The following FER1L5 variants were observed in gnomAD, a reference collection of about 807,000 sequenced individuals.
FER1L5 encodes the protein fer-1 like family member 5, also known as fer-1-like protein 5.
FER1L5 carries 187 observed loss-of-function variants against 279.9 expected under a neutral mutation model. The observed-to-expected ratio is 0.67, with a 90% CI of 0.59 to 0.75. FER1L5 has a LOEUF of 0.75. Ranked by LOEUF, FER1L5 falls within the 30% of genes least tolerant of loss-of-function variation. The pLI is 0.00. For synonymous variants in FER1L5, 921 were observed against 989.7 expected (o/e 0.93, Z 1.30); for missense variants, 2,091 against 2,594.4 (o/e 0.81, Z 4.21).
intron 31 of FER1L5, among the ~76,000 whole-genome samples, chr2:96,693,187 GA>G (rs764665784): frequency 4.5e-4 from 61 of 137,046 alleles, no homozygotes; most frequent in East Asian, 8.3e-4. Context: ...AAAAAAAAGA[GA>G]AAAAAAAAAA....
intron 37 of FER1L5, among the ~76,000 whole-genome samples, chr2:96,696,798 T>C (rs915456399): frequency 5.3e-5 from 8 of 152,096 alleles, no homozygotes; most frequent in Non-Finnish European, 8.8e-5. Flanking sequence ...CTAGCTACTA[T>C]GGAGGCTGAG....
At chr2:96,663,365 G>C in intron 13 of FER1L5, 74 bp from the exon 14 acceptor site, 1 of 1,397,454 alleles carries the variant, frequency 7.2e-7, no homozygotes, top group Non-Finnish European at 9.9e-7. Context: ...GGCTGGACAG[G>C]AAGAGCTGGA....
rs2077483673 is a variant in FER1L5 at position 96,698,873 on chromosome 2, T to G, written c.4518+41T>G. ...TGCCCCACACAGGTGCCCCGCACGC[T>G]CCCCTCAACCCATCTCTGGGAGCCC... is the stretch of plus-strand genomic sequence containing the variant. On this transcript the variant is annotated intron_variant, in intron 41 of 52. Coordinates refer to ENST00000624922, the MANE Select transcript of FER1L5 (RefSeq NM_001293083.2). This position sits in a 1 kb window ranked among gnomAD's most constrained non-coding sequence, Gnocchi z 5.5. 1 of 1,548,760 alleles carries G rather than the reference T, an allele frequency of 6.5e-7. No individual in the cohort carries two copies. The highest frequency in any genetic ancestry group is 8.7e-7 in the Non-Finnish European group (1 of 1,144,706).
chr2:96,685,356 A>T lies in FER1L5; in HGVS notation c.1822A>T (p.Thr608Ser), dbSNP rs1305453822. ...LKANLDTLKS[T>S]RNPKDPALLY... ...AGCCAACCTGGACACCCTGAAATCC[A>T]CGCGGAATCCGAAGGATCCAGCTCT... Residue 608 changes from threonine to serine, a missense_variant, in exon 21 of 53, where the codon ACG becomes TCG. By Grantham distance (58) the Thr-to-Ser change is moderately conservative. Coordinates refer to ENST00000624922, the MANE Select transcript of FER1L5 (RefSeq NM_001293083.2). 6.4e-7 allele frequency: 1 copy of T among 1,551,270 alleles called. No homozygotes were observed. The highest frequency in any genetic ancestry group is 8.7e-7 in the Non-Finnish European group (1 of 1,146,836).
chr2:96,691,962 T>C lies in FER1L5; in HGVS notation c.3213T>C (p.Asn1071=), dbSNP rs1226446344. Reference sequence around the variant, plus strand: ...TGCCCTTCATCTACTGCACCTTCAATAGTAAGCACTGACTTGGGAGTCTAC... The same window carrying C: ...TGCCCTTCATCTACTGCACCTTCAACAGTAAGCACTGACTTGGGAGTCTAC... ...PNLPFIYCTF[N]KPHYYQLFCY... The change falls in exon 30 of 53, where the codon AAT becomes AAC. Residue 1071 remains asparagine (N), a splice_region_variant and synonymous_variant. Transcript: ENST00000624922. This position sits in a 1 kb window ranked among gnomAD's most constrained non-coding sequence, Gnocchi z 6.0. The C allele has an allele frequency of 2.0e-6, 3 of 1,463,926 alleles. No individual in the cohort carries two copies. Among genetic ancestry groups the C allele is most frequent in the African/African-American group, 1.6e-5 (1 of 63,354 alleles). The allele number at this position is 1,463,926 out of a possible 1,614,324, so 90.7% of individuals were successfully genotyped here. A position where few individuals can be genotyped will look rare whatever the true frequency, so the allele number is the denominator to read the frequency against.
intron 19 of FER1L5, among the ~76,000 whole-genome samples, chr2:96,674,133 C>T (rs779334730): frequency 1.3e-5 from 2 of 152,192 alleles, no homozygotes; most frequent in East Asian, 1.9e-4. Context: ...TTTCCTCATC[C>T]GGAAAAGGAA....
intron 19 of FER1L5, among the ~76,000 whole-genome samples, chr2:96,682,390 C>T (rs2076763516): frequency 6.6e-6 from 1 of 152,254 alleles, no homozygotes; most frequent in Non-Finnish European, 1.5e-5. Context: ...CCGCACCCGG[C>T]CAAGAGATTT....
chr2:96,686,485 C>T (rs778982247), intron 23 of FER1L5, 135 bp downstream of exon 23: 68 of 1,027,564 alleles, frequency 6.6e-5, no homozygotes, highest in African/African-American at 9.7e-5. Context: ...TTGAAACAGT[C>T]CCCAGAGGAA....
chr2:96,684,256 G>A (rs2076838596), intron 19 of FER1L5, 71 bp from the exon 20 acceptor site: 2 of 1,515,920 alleles, frequency 1.3e-6, no homozygotes, highest in Non-Finnish European at 1.8e-6. Flanking sequence ...GTCCTCGGAG[G>A]GAGCACAGTG....
rs777639564 is a variant in FER1L5, at chr2:96,692,146, G to A, written c.3257G>A (p.Arg1086Gln). The change falls in exon 31 of 53, where the codon CGG becomes CAG. Residue 1086 changes from arginine (R) to glutamine (Q), a missense_variant. Transcript: ENST00000624922. ...YQLFCYIYQA[R>Q]NLVSNQILTF... ...CTCTTCTGCTACATCTACCAGGCCCGGAACCTGGTGTCCAATCAGATCCTG... is the reference window on the plus strand; with the variant it reads ...CTCTTCTGCTACATCTACCAGGCCCAGAACCTGGTGTCCAATCAGATCCTG... 9.7e-6 allele frequency: 15 copies of A among 1,551,492 alleles called. No individual in the cohort carries two copies. The highest frequency in any genetic ancestry group is 4.8e-5 in the South Asian group (4 of 84,068).
At position 96,699,996 on chromosome 2, in the gene FER1L5, C is replaced by A. The variant is rs368260119; in HGVS notation, c.4846C>A (p.Arg1616=). Residue 1616 remains arginine, a synonymous_variant, in exon 44 of 53, where the codon CGG becomes AGG. Transcript: ENST00000624922. ...PSYLLERYAK[R]KGLPPPLFSP... is the part of the protein sequence containing the mutation. ...CTACCTCCTAGAACGCTATGCCAAG[C>A]GGAAAGGGCTACCTCCGCCTCTGTT... The A allele has an allele frequency of 5.0e-6, 8 of 1,613,956 alleles. No individual in the cohort carries two copies. The South Asian group carries it at 8.8e-5, about 18-fold the overall frequency.
At position 96,704,701 on chromosome 2, in the gene FER1L5, T is replaced by C; in HGVS notation, c.*9T>C. On this transcript the variant is annotated 3_prime_UTR_variant, in exon 53 of 53. Coordinates refer to ENST00000624922, the MANE Select transcript of FER1L5 (RefSeq NM_001293083.2). ...CAGCCCCAGGAGACTAATTAGTCCA[T>C]GCTGCCTGGCTTTCCTCCTGCTACC... is the stretch of plus-strand genomic sequence containing the variant. 1.9e-6 allele frequency: 3 copies of C among 1,611,592 alleles called. No homozygotes were observed. The highest frequency in any genetic ancestry group is 2.5e-6 in the Non-Finnish European group (3 of 1,177,822).
rs762863043 is a variant in FER1L5 at position 96,647,142 on chromosome 2, CAAAA to C, written c.218_221del (p.Gln73ArgfsTer17). The C allele has an allele frequency of 2.6e-6, 4 of 1,551,518 alleles. No individual in the cohort carries two copies. Among genetic ancestry groups the C allele is most frequent in the South Asian group, 2.4e-5 (2 of 84,056 alleles). On this transcript the variant is annotated frameshift_variant, in exon 3 of 53. Coordinates refer to ENST00000624922, the MANE Select transcript of FER1L5 (RefSeq NM_001293083.2). LOFTEE classifies it high-confidence loss of function. Reference sequence around the variant, plus strand: ...AGTCACCCTTCAGGACATGGGCTCACAAAAGAAAGAAAGGTGAGGCAGAGAGAGG... The same window carrying C: ...AGTCACCCTTCAGGACATGGGCTCACGAAAGAAAGGTGAGGCAGAGAGAGG...
intron 19 of FER1L5, among the ~76,000 whole-genome samples, chr2:96,674,311 C>T (rs989871796): frequency 5.9e-5 from 9 of 152,180 alleles, no homozygotes; most frequent in African/African-American, 1.9e-4. Context: ...CAACCTCCGC[C>T]TCCCGGGTTC....
At position 96,661,310 on chromosome 2, in the gene FER1L5, T is replaced by C; in HGVS notation, c.779-15T>C. 1 of 1,509,704 alleles carries C rather than the reference T, an allele frequency of 6.6e-7. No homozygotes were observed. Among genetic ancestry groups the C allele is most frequent in the Non-Finnish European group, 8.9e-7 (1 of 1,122,072 alleles). 93.5% of individuals were successfully genotyped at this position (1,509,704 alleles called of 1,614,324 possible). A position where few individuals can be genotyped will look rare whatever the true frequency, so the allele number is the denominator to read the frequency against. ...GGCTGCAGGCAGATCTCCCATGGCC[T>C]TTCTGCCTCTCTAGGTCACACACTC... On this transcript the variant is annotated splice_polypyrimidine_tract_variant and intron_variant, in intron 10 of 52. Coordinates refer to ENST00000624922, the MANE Select transcript of FER1L5 (RefSeq NM_001293083.2).
At chr2:96,644,088 C>A (rs1217874207) in intron 1 of FER1L5, among the ~76,000 whole-genome samples, 4 of 150,076 alleles carry the variant, frequency 2.7e-5, no homozygotes, top group African/African-American at 7.4e-5. Context: ...AGGAGAATCG[C>A]TTGAACCTGG....
chr2:96,697,791 T>C, intron 39 of FER1L5, 30 bp downstream of exon 39: 1 of 1,609,330 alleles, frequency 6.2e-7, no homozygotes, highest in Non-Finnish European at 8.5e-7. Flanking sequence ...TGGGATGGAA[T>C]CAAATCTCCC....
At chr2:96,659,227 T>C (rs2075723854) in intron 9 of FER1L5, among the ~76,000 whole-genome samples, 1 of 151,004 alleles carries the variant, frequency 6.6e-6, no homozygotes. Flanking sequence ...GCCACTGTCA[T>C]TTTCTTAACA....
chr2:96,703,809 CTTTTTT>C (rs35497973), intron 51 of FER1L5, among the ~76,000 whole-genome samples, 177 bp downstream of exon 51: 79 of 89,472 alleles, frequency 8.8e-4, no homozygotes, highest in African/African-American at 2.2e-3. Flanking sequence ...CAAAAGTTGC[CTTTTTT>C]TTTTTTTTTT....
Sources: allele counts gnomAD v4.1 joint callset (sites outside exome capture counted in the v4.1 genomes callset), GRCh38; gene constraint gnomAD v4.1.1; non-coding constraint Gnocchi (gnomAD v3.1); transcripts MANE v1.5; gene names NCBI Gene and HGNC (gene_info 2026-07-23, HGNC 2026-07-21).